Variants in PARG observed in about 807,000 individuals in gnomAD.
PARG encodes mitochondrial poly(ADP-ribose) glycohydrolase.
PARG carries 35 observed loss-of-function variants against 113.0 expected under a neutral mutation model. The observed-to-expected ratio is 0.31, with a 90% confidence interval of 0.24 to 0.41. PARG has a LOEUF of 0.41. PARG is among the 10% of genes least tolerant of loss of function. PARG has a pLI of 1.00. For synonymous variants in PARG, 330 were observed against 409.9 expected (o/e 0.81, Z 2.36); for missense variants, 797 against 1,169.4 (o/e 0.68, Z 4.64).
rs1431735923 is a variant in PARG at position 49,901,282 on chromosome 10, T to A, written c.1737+14635A>T. Among the ~76,000 whole-genome samples the A allele has an allele frequency of 9.2e-5, 14 of 151,868 alleles. No homozygotes were observed. The East Asian group carries it at 1.9e-3, about 21-fold the overall frequency. On this transcript the variant is annotated intron_variant, in intron 7 of 17. Coordinates refer to ENST00000616448, the MANE Select transcript of PARG (RefSeq NM_003631.5). ...CATGCTACCACACCCAGCTAATTTT[T>A]AAAAAAATTTTTGTAGCAATGGGGT...
intron 1 of PARG, 128 bp downstream of exon 1, chr10:49,941,381 C>T: frequency 1.2e-6 from 1 of 825,222 alleles, no homozygotes; most frequent in Admixed American, 2.0e-5. Flanking sequence ...GGTAGCTCAG[C>T]AAGTGGACCT....
intron 15 of PARG, among the ~76,000 whole-genome samples, chr10:49,839,770 A>G (rs959000687): frequency 7.2e-5 from 11 of 152,238 alleles, no homozygotes; most frequent in Non-Finnish European, 1.5e-4. Context: ...TATATGTGGG[A>G]GTATACAGTT....
intron 13 of PARG, among the ~76,000 whole-genome samples, chr10:49,852,936 A>C (rs1263509550): frequency 1.3e-5 from 2 of 151,568 alleles, no homozygotes; most frequent in African/African-American, 4.8e-5. Flanking sequence ...GCATTTTACC[A>C]AGTTTTTTAT....
At chr10:49,900,599 A>G (rs1848307914) in intron 7 of PARG, among the ~76,000 whole-genome samples, 1 of 152,250 alleles carries the variant, frequency 6.6e-6, no homozygotes, top group Non-Finnish European at 1.5e-5. Context: ...TTTCATGCTA[A>G]TAATAAACAG....
chr10:49,868,277 G>A (rs1554837272), intron 10 of PARG, among the ~76,000 whole-genome samples: 1 of 152,188 alleles, frequency 6.6e-6, no homozygotes, highest in East Asian at 1.9e-4. Flanking sequence ...GTGAGCCACC[G>A]TGCCTGGCCT....
chr10:49,883,537 G>A (rs1847312037), intron 8 of PARG, among the ~76,000 whole-genome samples: 1 of 148,156 alleles, frequency 6.7e-6, no homozygotes, highest in Non-Finnish European at 1.5e-5. Context: ...GGTGGCTCAT[G>A]CCTGTAATTT....
At chr10:49,826,346 T>G (rs1844357866) in intron 16 of PARG, among the ~76,000 whole-genome samples, 1 of 152,230 alleles carries the variant, frequency 6.6e-6, no homozygotes, top group Non-Finnish European at 1.5e-5. Flanking sequence ...TCCAATGCTC[T>G]ATACTCCTAC....
chr10:49,934,084 T>C lies in PARG; in HGVS notation c.364A>G (p.Asn122Asp). 1 of 1,489,598 alleles carries C rather than the reference T, an allele frequency of 6.7e-7. No homozygotes were observed. Among genetic ancestry groups the C allele is most frequent in the Non-Finnish European group, 9.4e-7 (1 of 1,066,204 alleles). The allele number at this position is 1,489,598 out of a possible 1,614,324, so 92.3% of individuals were successfully genotyped here. Residue 122 changes from asparagine to aspartate, a missense_variant, in exon 3 of 18, where the codon AAT (asparagine) becomes GAT (aspartate). This residue lies in a region of PARG where 284 missense variants were observed against 306.1 expected (regional missense o/e 0.93). Transcript: ENST00000616448. ...GAAACATTTTCTAATTTTTCTACAT[T>C]ATGTTGGTAAAAGTTATCTTTTTGT... ...SVQKDNFYQH[N>D]VEKLENVSQL...
intron 6 of PARG, among the ~76,000 whole-genome samples, chr10:49,920,485 T>C (rs1195218932): frequency 9.6e-6 from 1 of 104,412 alleles, no homozygotes; most frequent in African/African-American, 3.4e-5. Context: ...TATATATATA[T>C]ATATATATAT....
At chr10:49,899,222 T>G (rs1201579489) in intron 7 of PARG, among the ~76,000 whole-genome samples, 1 of 152,204 alleles carries the variant, frequency 6.6e-6, no homozygotes, top group Non-Finnish European at 1.5e-5. Flanking sequence ...CTCTAAGTTT[T>G]CCCAAGTCTA....
At chr10:49,836,595 G>T (rs1554831159) in intron 15 of PARG, among the ~76,000 whole-genome samples, 3 of 151,792 alleles carry the variant, frequency 2.0e-5, no homozygotes. Flanking sequence ...CTATATATTG[G>T]GAAACTTAAG....
chr10:49,935,243 A>G (rs1436062139), intron 1 of PARG, 101 bp from the exon 2 acceptor site: 1 of 598,708 alleles, frequency 1.7e-6, no homozygotes, highest in Non-Finnish European at 3.0e-6. Flanking sequence ...GGTTAAACAA[A>G]AGATTAATAA....
intron 7 of PARG, 148 bp from the exon 8 acceptor site, chr10:49,885,443 A>C (rs1847429546): frequency 3.2e-6 from 2 of 620,550 alleles, no homozygotes; most frequent in Non-Finnish European, 5.9e-6. Context: ...AAACACATGT[A>C]CAAATGCATC....
At chr10:49,927,830 C>A (rs1371078489) in intron 4 of PARG, among the ~76,000 whole-genome samples, 1 of 152,082 alleles carries the variant, frequency 6.6e-6, no homozygotes, top group African/African-American at 2.4e-5. Context: ...GTGGCACATG[C>A]CTGTAACCCC....
intron 4 of PARG, among the ~76,000 whole-genome samples, chr10:49,929,704 T>C (rs1432126512): frequency 6.6e-6 from 1 of 151,724 alleles, no homozygotes; most frequent in African/African-American, 2.4e-5. Context: ...TGCATGCCTG[T>C]AATCCCAGCT....
Position 49,922,287 on chromosome 10 carries a change from G to C in PARG, c.1662+49C>G, listed in dbSNP as rs782791990. 57 of 1,554,116 alleles carry C rather than the reference G, an allele frequency of 3.7e-5. No individual in the cohort carries two copies. In the African/African-American group the frequency reaches 6.7e-4, roughly 18 times the overall value. ...TATTAAGACCAAAAAGTCTTTGAAA[G>C]AGGAGACACAGGGCCCATAAACAGG... On this transcript the variant is annotated intron_variant, in intron 6 of 17. Transcript: ENST00000616448.
At chr10:49,851,767 CAAGT>C (rs1318330934) in intron 13 of PARG, among the ~76,000 whole-genome samples, 20 of 79,992 alleles carry the variant, frequency 2.5e-4, no homozygotes, top group South Asian at 3.8e-4. Context: ...TGTACAGAAA[CAAGT>C]AAGAGAAGAC....
chr10:49,846,864 G>A (rs1845537343), intron 13 of PARG, among the ~76,000 whole-genome samples: 1 of 151,788 alleles, frequency 6.6e-6, no homozygotes, highest in South Asian at 2.1e-4. Flanking sequence ...TCCAGAGCTG[G>A]TGCAGGGAAT....
At chr10:49,860,172 G>A (rs1177838791) in intron 12 of PARG, among the ~76,000 whole-genome samples, 9 of 152,140 alleles carry the variant, frequency 5.9e-5, no homozygotes, top group Non-Finnish European at 1.3e-4. Context: ...AAGCCCTTAC[G>A]GTATTCTCTA....
Sources: gnomAD v4.1 joint callset for allele counts (sites outside exome capture counted in the v4.1 genomes callset) on GRCh38, gnomAD v4.1.1 for gene constraint, gnomAD v4.1.1 regional missense constraint, MANE v1.5 for transcripts, NCBI Gene and HGNC (gene_info 2026-07-23, HGNC 2026-07-21) for gene names.